Variants in CLDN20 observed in about 807,000 individuals in gnomAD.
CLDN20 encodes the protein claudin 20.
For synonymous variants in CLDN20, 104 were observed against 103.6 expected (o/e 1.00, Z -0.03); for missense variants, 258 against 267.9 (o/e 0.96, Z 0.26).
chr6:155,275,346 C>T lies in CLDN20; in HGVS notation c.-104-270C>T, dbSNP rs78460700. 5.4e-3 allele frequency among the ~76,000 whole-genome samples: 828 copies of T among 152,340 alleles called. 12 individuals carry two copies. Among genetic ancestry groups the T allele is most frequent in the African/African-American group, 0.019 (772 of 41,568 alleles). ...AATCTCCTAACAACGTACATGTCCA[C>T]GCTACAGTTTCAGCATATGTTGAGT... is the stretch of plus-strand genomic sequence containing the variant. On this transcript the variant is annotated intron_variant, in intron 1 of 1. Coordinates refer to ENST00000367165, the MANE Select transcript of CLDN20 (RefSeq NM_001001346.3).
In CLDN20 at chr6:155,272,061, A is replaced by G. The variant is rs1053622624; in HGVS notation, c.-104-3555A>G. Among the ~76,000 whole-genome samples, 3 of 152,162 alleles carry G rather than the reference A, an allele frequency of 2.0e-5. No individual in the cohort carries two copies. In the East Asian group the frequency reaches 5.8e-4, roughly 29 times the overall value. On this transcript the variant is annotated intron_variant, in intron 1 of 1. Coordinates refer to ENST00000367165, the MANE Select transcript of CLDN20 (RefSeq NM_001001346.3). ...TTATTTGCTTTTTTCAAGTTAACTT[A>G]TTGGAGCTTTATAAACATATCCAGA...
At position 155,276,433 on chromosome 6, in the gene CLDN20, A is replaced by G; in HGVS notation, c.*54A>G. 6.8e-7 allele frequency: 1 copy of G among 1,465,414 alleles called. No homozygotes were observed. The highest frequency in any genetic ancestry group is 1.3e-5 in the South Asian group (1 of 76,598). The allele number at this position is 1,465,414 out of a possible 1,614,324, so 90.8% of individuals were successfully genotyped here. Reference sequence around the variant, plus strand: ...CTTTTGGGTGCCAAATGGGACTTTTAGATTAAAAAAAAATCAGAATTATGC... The same window carrying G: ...CTTTTGGGTGCCAAATGGGACTTTTGGATTAAAAAAAAATCAGAATTATGC... On this transcript the variant is annotated 3_prime_UTR_variant, in exon 2 of 2. Coordinates refer to ENST00000367165, the MANE Select transcript of CLDN20 (RefSeq NM_001001346.3).
chr6:155,269,506 G>C (rs1784828463), intron 1 of CLDN20, among the ~76,000 whole-genome samples: 1 of 151,800 alleles, frequency 6.6e-6, no homozygotes, highest in African/African-American at 2.4e-5. Flanking sequence ...ATTTTTAGTA[G>C]AGGCAAGGTT....
At chr6:155,266,199 A>T (rs899062962) in intron 1 of CLDN20, among the ~76,000 whole-genome samples, 13 of 152,076 alleles carry the variant, frequency 8.5e-5, no homozygotes, top group Admixed American at 1.3e-4. Flanking sequence ...CATTTTTTTT[A>T]AAATTCAGAA....
chr6:155,276,472 C>T lies in CLDN20; in HGVS notation c.*93C>T. On this transcript the variant is annotated 3_prime_UTR_variant, in exon 2 of 2. Transcript: ENST00000367165. Reference sequence around the variant, plus strand: ...TCAGAATTATGCTTAACTTTCCCTACAAAGAAAGTAGAATGTAAAATACTT... The same window carrying T: ...TCAGAATTATGCTTAACTTTCCCTATAAAGAAAGTAGAATGTAAAATACTT... The T allele has an allele frequency of 8.7e-7, 1 of 1,146,382 alleles. No homozygotes were observed. The highest frequency in any genetic ancestry group is 1.2e-6 in the Non-Finnish European group (1 of 813,270). 71.0% of individuals were successfully genotyped at this position (1,146,382 alleles called of 1,614,324 possible). A position where few individuals can be genotyped will look rare whatever the true frequency, so the allele number is the denominator to read the frequency against.
At chr6:155,265,770 A>G (rs1784609836) in intron 1 of CLDN20, among the ~76,000 whole-genome samples, 1 of 146,340 alleles carries the variant, frequency 6.8e-6, no homozygotes, top group Non-Finnish European at 1.5e-5. Context: ...TTTAATATAT[A>G]ATATGTAAAT....
intron 1 of CLDN20, among the ~76,000 whole-genome samples, chr6:155,268,218 T>G (rs1784751998): frequency 6.6e-6 from 1 of 152,168 alleles, no homozygotes; most frequent in African/African-American, 2.4e-5. Context: ...CTGATCTCTT[T>G]AAATCCTCCA....
intron 1 of CLDN20, among the ~76,000 whole-genome samples, chr6:155,268,308 C>T (rs1011335255): frequency 6.6e-6 from 1 of 152,130 alleles, no homozygotes; most frequent in African/African-American, 2.4e-5. Context: ...CTAGTGGTGG[C>T]CTTCAAACTC....
intron 1 of CLDN20, among the ~76,000 whole-genome samples, chr6:155,270,339 CT>C (rs1784863268): frequency 6.6e-6 from 1 of 152,140 alleles, no homozygotes; most frequent in Admixed American, 6.5e-5. Flanking sequence ...GGTCATAAGA[CT>C]TACCTAGGAG....
rs1290191429 is a variant in CLDN20 at position 155,275,647 on chromosome 6, A to G, written c.-73A>G. On this transcript the variant is annotated 5_prime_UTR_variant, in exon 2 of 2. Coordinates refer to ENST00000367165, the MANE Select transcript of CLDN20 (RefSeq NM_001001346.3). ...TTATTTGGTTCTCTACTGCACAGAA[A>G]TAGATAGAATTCTGACAGCCATCAT... 7.0e-7 allele frequency: 1 copy of G among 1,428,326 alleles called. No individual in the cohort carries two copies. Among genetic ancestry groups the G allele is most frequent in the Non-Finnish European group, 9.6e-7 (1 of 1,039,018 alleles). 88.5% of individuals were successfully genotyped at this position (1,428,326 alleles called of 1,614,324 possible).
intron 1 of CLDN20, among the ~76,000 whole-genome samples, chr6:155,266,986 T>C (rs1413807869): frequency 6.6e-6 from 1 of 150,404 alleles, no homozygotes; most frequent in Non-Finnish European, 1.5e-5. Context: ...TTTTTTTTTT[T>C]TGAGACAGAG....
intron 1 of CLDN20, among the ~76,000 whole-genome samples, chr6:155,275,014 C>T (rs1240040818): frequency 1.3e-5 from 2 of 151,484 alleles, no homozygotes; most frequent in Non-Finnish European, 2.9e-5. Flanking sequence ...GTCAGGAGAT[C>T]GAGACCATCC....
intron 1 of CLDN20, among the ~76,000 whole-genome samples, chr6:155,265,767 TATA>T (rs1206950152): frequency 6.8e-6 from 1 of 146,316 alleles, no homozygotes; most frequent in Non-Finnish European, 1.5e-5. Flanking sequence ...ATATTTAATA[TATA>T]ATATGTAAAT....
At chr6:155,270,455 CT>C (rs1279422523) in intron 1 of CLDN20, among the ~76,000 whole-genome samples, 1 of 152,058 alleles carries the variant, frequency 6.6e-6, no homozygotes, top group Non-Finnish European at 1.5e-5. Context: ...TTCCTAGCTC[CT>C]TTTTTATATA....
chr6:155,267,141 A>G (rs1368097595), intron 1 of CLDN20, among the ~76,000 whole-genome samples: 1 of 151,724 alleles, frequency 6.6e-6, no homozygotes, highest in Non-Finnish European at 1.5e-5. Context: ...CACCCGGCCA[A>G]TTTTTGTATT....
At position 155,276,512 on chromosome 6, in the gene CLDN20, T is replaced by C. The variant is rs1785230686; in HGVS notation, c.*133T>C. 8.1e-6 allele frequency: 6 copies of C among 744,688 alleles called. No homozygotes were observed. Among genetic ancestry groups the C allele is most frequent in the South Asian group, 3.9e-5 (2 of 50,662 alleles). 46.1% of individuals were successfully genotyped at this position (744,688 alleles called of 1,614,324 possible). On this transcript the variant is annotated 3_prime_UTR_variant, in exon 2 of 2. Coordinates refer to ENST00000367165, the MANE Select transcript of CLDN20 (RefSeq NM_001001346.3). Reference sequence around the variant, plus strand: ...GTAAAATACTTTAACAACTACAAAGTAGTTTAAAATGCCAATAAAACTATC... The same window carrying C: ...GTAAAATACTTTAACAACTACAAAGCAGTTTAAAATGCCAATAAAACTATC...
chr6:155,276,346 C>T lies in CLDN20; in HGVS notation c.627C>T (p.Asn209=). The change falls in exon 2 of 2, where the codon AAC becomes AAT. Residue 209 remains asparagine, a synonymous_variant. Coordinates refer to ENST00000367165, the MANE Select transcript of CLDN20 (RefSeq NM_001001346.3). ...QQPISNTQLE[N]NSTHNLKDYV ...CTATCTCTAACACACAGCTCGAGAA[C>T]AATTCCACACACAATCTGAAGGATT... The T allele has an allele frequency of 6.2e-7, 1 of 1,613,286 alleles. No homozygotes were observed. Among genetic ancestry groups the T allele is most frequent in the Non-Finnish European group, 8.5e-7 (1 of 1,179,970 alleles).
chr6:155,275,781 T>G lies in CLDN20; in HGVS notation c.62T>G (p.Val21Gly), dbSNP rs763318129. Residue 21 changes from valine to glycine, a missense_variant, in exon 2 of 2, where the codon GTG (valine) becomes GGG (glycine). Val to Gly is a moderately radical substitution (Grantham distance 109). Transcript: ENST00000367165. ...CTGGCCTTATCTGGGGTCTCTGGAGTGCTCACAGCCACTCTGCTGCCCAAC... is the reference window on the plus strand; with the variant it reads ...CTGGCCTTATCTGGGGTCTCTGGAGGGCTCACAGCCACTCTGCTGCCCAAC... ...FILALSGVSGVLTATLLPNWK... is the reference protein window; with the variant it reads ...FILALSGVSGGLTATLLPNWK... 2 of 1,614,024 alleles carry G rather than the reference T, an allele frequency of 1.2e-6. No homozygotes were observed. Among genetic ancestry groups the G allele is most frequent in the Non-Finnish European group, 8.5e-7 (1 of 1,179,996 alleles).
intron 1 of CLDN20, among the ~76,000 whole-genome samples, chr6:155,265,349 A>G (rs1243565632): frequency 2.0e-5 from 3 of 152,236 alleles, no homozygotes; most frequent in African/African-American, 7.2e-5. Context: ...GCTGCTAGTA[A>G]TATTATTAAA....
Sources: allele counts gnomAD v4.1 joint callset (sites outside exome capture counted in the v4.1 genomes callset), GRCh38; gene constraint gnomAD v4.1.1; transcripts MANE v1.5; gene names NCBI Gene and HGNC (gene_info 2026-07-23, HGNC 2026-07-21).